COG4: variants seen among roughly 807,000 people sequenced by gnomAD.
The protein encoded by COG4 is component of oligomeric golgi complex 4, also known as conserved oligomeric Golgi complex subunit 4.
Under a neutral mutation model 95.1 loss-of-function variants are expected in COG4, and 65 were observed. That is an observed-to-expected ratio of 0.68 (90% CI 0.56 to 0.84). The LOEUF (loss-of-function observed/expected upper bound fraction) is 0.84, where lower values mean the gene tolerates loss of function less well. Among genes scored for constraint, COG4 ranks in the 40% least tolerant of loss-of-function variants. The pLI, the probability that COG4 is intolerant of heterozygous loss-of-function variation, is 0.00. For missense variants in COG4, 1,045 were observed against 989.1 expected, an observed-to-expected ratio of 1.06 and a Z score of -0.76; for synonymous variants, 421 against 374.8, an observed-to-expected ratio of 1.12 and a Z score of -1.42.
intron 8 of COG4, among the ~76,000 whole-genome samples, chr16:70,505,167 T>C (rs2049535467): frequency 6.6e-6 from 1 of 151,856 alleles, no homozygotes; most frequent in South Asian, 2.1e-4. Context: ...AAAACTTTGG[T>C]TGAATGAATA....
At chr16:70,501,425 C>T (rs999458212) in intron 8 of COG4, 10 of 306,858 alleles carry the variant, frequency 3.3e-5, no homozygotes, top group Non-Finnish European at 5.1e-5. Context: ...TCGATCTCAG[C>T]TCCCTGCAAG....
chr16:70,482,466 G>A (rs1473884977), intron 15 of COG4: 10 of 604,490 alleles, frequency 1.7e-5, no homozygotes, highest in African/African-American at 7.5e-5. Context: ...GGAAAAAAAC[G>A]CTTCTAAGTC....
chr16:70,492,615 C>A (rs1022351939), intron 12 of COG4, among the ~76,000 whole-genome samples: 29 of 150,232 alleles, frequency 1.9e-4, no homozygotes, highest in Middle Eastern at 3.4e-3. Flanking sequence ...GAGCCAAGAT[C>A]GCGCCATTGC....
chr16:70,500,519 C>T (rs1000420352), intron 9 of COG4, among the ~76,000 whole-genome samples: 2 of 151,414 alleles, frequency 1.3e-5, no homozygotes, highest in African/African-American at 4.9e-5. Flanking sequence ...TTGCACCACG[C>T]TCAGCTAATT....
chr16:70,480,798 G>T lies in COG4; in HGVS notation c.*212C>A. The T allele has an allele frequency of 1.7e-6, 1 of 599,444 alleles. No individual in the cohort carries two copies. The highest frequency in any genetic ancestry group is 2.9e-5 in the East Asian group (1 of 34,796). The allele number at this position is 599,444 out of a possible 1,614,324, so 37.1% of individuals were successfully genotyped here. A position where few individuals can be genotyped will look rare whatever the true frequency, so the allele number is the denominator to read the frequency against. ...ACCTCATTAGGAGCCCGCTTCTCTC[G>T]GTGGGGAGATGCTGCCCCCAGAGCA... On this transcript the variant is annotated 3_prime_UTR_variant, in exon 19 of 19. Coordinates refer to ENST00000323786, the MANE Select transcript of COG4 (RefSeq NM_015386.3).
chr16:70,484,041 T>G lies in COG4; in HGVS notation c.1711-72A>C, dbSNP rs921750589. On this transcript the variant is annotated intron_variant, in intron 13 of 18. Coordinates refer to ENST00000323786, the MANE Select transcript of COG4 (RefSeq NM_015386.3). The stretch of plus-strand genomic sequence containing the variant: ...GGGAGTGTGAGGAGCCACCAGCCAG[T>G]TCTACTCCTCCAGCCAGCTATGGCC... 4 of 1,089,804 alleles carry G rather than the reference T, an allele frequency of 3.7e-6. No individual in the cohort carries two copies. In the African/African-American group the frequency reaches 6.1e-5, roughly 17 times the overall value. 67.5% of individuals were successfully genotyped at this position (1,089,804 alleles called of 1,614,324 possible).
intron 4 of COG4, 51 bp from the exon 5 acceptor site, chr16:70,512,483 A>AT: frequency 1.4e-6 from 2 of 1,477,752 alleles, no homozygotes; most frequent in Non-Finnish European, 1.9e-6. Flanking sequence ...GTACTGTGGC[A>AT]GGTCCATGCC....
rs1597699510 is a variant in COG4, at chr16:70,523,472, C to T, written c.72G>A (p.Val24=). ...AGATTTCGGAGCAGCGGCCACCTCC[C>T]ACCCCCTCAGACGGCTGCTGCACCC... The part of the protein sequence containing the change: ...LSGVQQPSEG[V]GGGRCSEISA... The change falls in exon 1 of 19, where the codon GTG becomes GTA. Residue 24 remains valine (V), a synonymous_variant. Coordinates refer to ENST00000323786, the MANE Select transcript of COG4 (RefSeq NM_015386.3). 1.2e-6 allele frequency: 2 copies of T among 1,614,110 alleles called. No homozygotes were observed. The highest frequency in any genetic ancestry group is 8.5e-7 in the Non-Finnish European group (1 of 1,180,020).
chr16:70,523,134 G>T, intron 1 of COG4: 1 of 561,350 alleles, frequency 1.8e-6, no homozygotes, highest in East Asian at 3.0e-5. Flanking sequence ...GAAATCAACG[G>T]GGGTCTAGGG....
intron 12 of COG4, among the ~76,000 whole-genome samples, chr16:70,491,073 G>A (rs1261306239): frequency 6.6e-6 from 1 of 152,138 alleles, no homozygotes; most frequent in African/African-American, 2.4e-5. Context: ...GTGATACAAA[G>A]CCTGACATTC....
At position 70,481,100 on chromosome 16, in the gene COG4, C is replaced by T. The variant is rs2048981204; in HGVS notation, c.2280G>A (p.Leu760=). The change falls in exon 19 of 19, where the codon TTG becomes TTA. Residue 760 remains leucine (L), a synonymous_variant. Coordinates refer to ENST00000323786, the MANE Select transcript of COG4 (RefSeq NM_015386.3). ...CTTCAGCAGGGGTGAGGCGCCACGT[C>T]AATGGGCCGGAATTGGGTCCCCAGT... The part of the protein sequence containing the change: ...LDYWGPNSGP[L]TWRLTPAEVR... 1 of 1,613,426 alleles carries T rather than the reference C, an allele frequency of 6.2e-7. No individual in the cohort carries two copies. The highest frequency in any genetic ancestry group is 1.3e-5 in the African/African-American group (1 of 74,934).
At chr16:70,484,027 G>T in intron 13 of COG4, 58 bp from the exon 14 acceptor site, 1 of 1,265,324 alleles carries the variant, frequency 7.9e-7, no homozygotes, top group Non-Finnish European at 1.1e-6. Flanking sequence ...GGAGTGTGAG[G>T]AGCCACCAGC....
At chr16:70,486,498 C>T (rs1440834366) in intron 13 of COG4, among the ~76,000 whole-genome samples, 4 of 152,182 alleles carry the variant, frequency 2.6e-5, no homozygotes, top group Admixed American at 2.6e-4. Context: ...CAAAGGGCTG[C>T]TGATGGGGCT....
At chr16:70,512,708 G>A (rs555519752) in intron 4 of COG4, among the ~76,000 whole-genome samples, 3 of 152,156 alleles carry the variant, frequency 2.0e-5, no homozygotes, top group East Asian at 1.9e-4. Context: ...GTCCGGGCAC[G>A]GTGGCTCATG....
chr16:70,497,787 T>C (rs2151749633), intron 10 of COG4, 150 bp downstream of exon 10: 1 of 757,632 alleles, frequency 1.3e-6, no homozygotes, highest in East Asian at 2.5e-5. Flanking sequence ...CCAAAGATGC[T>C]CTCTAAACAT....
rs1261925889 is a variant in COG4, at chr16:70,485,140, TAGG to T, written c.1711-1174_1711-1172del. ...ATCCTAGGACTTTGTGAGGCCAAGGTAGGAGGATTGCTGGAGCCCAGGAGTTCA... is the reference window on the plus strand; with the variant it reads ...ATCCTAGGACTTTGTGAGGCCAAGGTAGGATTGCTGGAGCCCAGGAGTTCA... On this transcript the variant is annotated intron_variant, in intron 13 of 18. Coordinates refer to ENST00000323786, the MANE Select transcript of COG4 (RefSeq NM_015386.3). Among the ~76,000 whole-genome samples, 12 of 151,266 alleles carry T rather than the reference TAGG, an allele frequency of 7.9e-5. No individual in the cohort carries two copies. The East Asian group carries it at 2.3e-3, about 29-fold the overall frequency.
At chr16:70,507,779 T>A (rs892798339) in intron 8 of COG4, among the ~76,000 whole-genome samples, 2 of 151,316 alleles carry the variant, frequency 1.3e-5, no homozygotes, top group Admixed American at 1.3e-4. Context: ...GGAGAATCGC[T>A]TGAACCTGGG....
At chr16:70,486,971 G>A (rs1380388481) in intron 13 of COG4, among the ~76,000 whole-genome samples, 1 of 149,766 alleles carries the variant, frequency 6.7e-6, no homozygotes, top group Non-Finnish European at 1.5e-5. Flanking sequence ...CTCCAGCCTG[G>A]GCAACAAGAG....
Position 70,514,914 on chromosome 16 carries a change from A to G in COG4, c.370-405T>C, listed in dbSNP as rs114290705. Among the ~76,000 whole-genome samples, 965 of 151,308 alleles carry G rather than the reference A, an allele frequency of 6.4e-3. 12 individuals are homozygous for G. Among genetic ancestry groups the G allele is most frequent in the African/African-American group, 0.022 (901 of 41,172 alleles). The stretch of plus-strand genomic sequence containing the variant: ...TTTTTGTAGAGGCAGGGTTTCATCA[A>G]TGTTTCCCAGGCTGGTCTCAAACTC... On this transcript the variant is annotated intron_variant, in intron 3 of 18. Coordinates refer to ENST00000323786, the MANE Select transcript of COG4 (RefSeq NM_015386.3).
Sources: gnomAD v4.1 joint callset for allele counts (sites outside exome capture counted in the v4.1 genomes callset) on GRCh38, gnomAD v4.1.1 for gene constraint, MANE v1.5 for transcripts, NCBI Gene and HGNC (gene_info 2026-07-23, HGNC 2026-07-21) for gene names.